The following ANKIB1 variants were observed in gnomAD, a reference collection of about 807,000 sequenced individuals.
The protein encoded by ANKIB1 is ankyrin repeat and IBR domain containing 1.
In ANKIB1, 43 loss-of-function variants were observed where a neutral mutation model predicts 122.1. The ratio of observed to expected loss-of-function variants is 0.35; its 90% CI spans 0.28 to 0.45. The LOEUF is 0.45. Ranked by LOEUF, ANKIB1 falls within the 20% of genes least tolerant of loss-of-function variation. ANKIB1 has a pLI of 1.00. For synonymous variants in ANKIB1, 390 were observed against 442.0 expected, an observed-to-expected ratio of 0.88 and a Z score of 1.48; for missense variants, 992 against 1,329.5, an observed-to-expected ratio of 0.75 and a Z score of 3.95.
intron 5 of ANKIB1, among the ~76,000 whole-genome samples, chr7:92,331,875 T>C: frequency 6.6e-6 from 1 of 152,054 alleles, no homozygotes; most frequent in Non-Finnish European, 1.5e-5. Context: ...AGCCAAATCA[T>C]ATAGTGTTCA....
At chr7:92,352,696 T>A (rs942681289) in intron 9 of ANKIB1, 54 bp downstream of exon 9, 2 of 1,535,260 alleles carry the variant, frequency 1.3e-6, no homozygotes, top group African/African-American at 2.8e-5. Flanking sequence ...CCAATAGTTA[T>A]TAAAGACTTT....
At chr7:92,388,458 G>A (rs750605443) in intron 14 of ANKIB1, among the ~76,000 whole-genome samples, 3 of 152,214 alleles carry the variant, frequency 2.0e-5, no homozygotes, top group Non-Finnish European at 4.4e-5. Context: ...GCCTAAGGGC[G>A]TGGAAGTCAA....
chr7:92,292,114 G>A (rs1042832374), intron 1 of ANKIB1, among the ~76,000 whole-genome samples: 1 of 152,134 alleles, frequency 6.6e-6, no homozygotes, highest in African/African-American at 2.4e-5. Flanking sequence ...GTCACCTCAG[G>A]CAATAATAGC....
At chr7:92,249,928 G>T (rs1006784917) in intron 1 of ANKIB1, among the ~76,000 whole-genome samples, 1 of 152,034 alleles carries the variant, frequency 6.6e-6, no homozygotes, top group African/African-American at 2.4e-5. Context: ...ACAGAATCTT[G>T]TGTATAGTAT....
chr7:92,252,588 CTT>C (rs1158104633), intron 1 of ANKIB1, among the ~76,000 whole-genome samples: 1 of 151,626 alleles, frequency 6.6e-6, no homozygotes, highest in Non-Finnish European at 1.5e-5. Flanking sequence ...GGTTTCACCT[CTT>C]TCTCTCTTAT....
At chr7:92,346,785 T>G (rs1423430424) in intron 7 of ANKIB1, among the ~76,000 whole-genome samples, 3 of 152,218 alleles carry the variant, frequency 2.0e-5, no homozygotes, top group Non-Finnish European at 4.4e-5. Context: ...TTTCTTGAAT[T>G]TTTTTGAGCT....
rs199861630 is a variant in ANKIB1 at position 92,398,494 on chromosome 7, T to G, written c.2815T>G (p.Ser939Ala). The change falls in exon 20 of 20, where the codon TCA (serine) becomes GCA (alanine). Residue 939 changes from serine (S) to alanine (A), a missense_variant. Around this residue, in one of 4 missense-constraint regions of ANKIB1, gnomAD observed 384 missense variants for 412.0 expected, o/e 0.93. Coordinates refer to ENST00000265742, the MANE Select transcript of ANKIB1 (RefSeq NM_019004.2). The part of the protein sequence containing the change: ...NDPFSTDTLS[S>A]HPLSEARSDF... ...CCCATTTTCAACTGACACCCTGAGCTCACACCCTCTCAGTGAGGCAAGAAG... is the reference window on the plus strand; with the variant it reads ...CCCATTTTCAACTGACACCCTGAGCGCACACCCTCTCAGTGAGGCAAGAAG... The G allele has an allele frequency of 4.4e-4, 709 of 1,613,938 alleles. 2 individuals are homozygous for G. Among genetic ancestry groups the G allele is most frequent in the Middle Eastern group, 2.6e-3 (16 of 6,060 alleles).
At chr7:92,369,183 A>C (rs770658185) in intron 10 of ANKIB1, among the ~76,000 whole-genome samples, 1 of 152,198 alleles carries the variant, frequency 6.6e-6, no homozygotes, top group African/African-American at 2.4e-5. Flanking sequence ...TAAGTATACT[A>C]AGTTCCTTCT....
chr7:92,246,424 G>A lies in ANKIB1; in HGVS notation c.-186G>A, dbSNP rs777454786. ...GGTGGGTGGGGCGGGCTGGGTACCT[G>A]AGGTCACCAGCTCGGCTGTAGAGGC... On this transcript the variant is annotated 5_prime_UTR_variant, in exon 1 of 20. Transcript: ENST00000265742. The A allele has an allele frequency of 1.9e-6, 1 of 515,898 alleles. No homozygotes were observed. The highest frequency in any genetic ancestry group is 3.9e-6 in the Non-Finnish European group (1 of 259,134). 32.0% of individuals were successfully genotyped at this position (515,898 alleles called of 1,614,324 possible).
At chr7:92,337,676 G>A (rs1473022210) in intron 5 of ANKIB1, among the ~76,000 whole-genome samples, 1 of 152,158 alleles carries the variant, frequency 6.6e-6, no homozygotes, top group Non-Finnish European at 1.5e-5. Flanking sequence ...TTGTCAAACA[G>A]ACTGAATGCT....
chr7:92,342,386 C>T (rs945599479), intron 5 of ANKIB1, among the ~76,000 whole-genome samples: 1 of 152,058 alleles, frequency 6.6e-6, no homozygotes, highest in Non-Finnish European at 1.5e-5. Context: ...TTTTATGGCT[C>T]TAGACATTAT....
At chr7:92,260,096 C>T (rs2131880580) in intron 1 of ANKIB1, among the ~76,000 whole-genome samples, 1 of 152,282 alleles carries the variant, frequency 6.6e-6, no homozygotes, top group African/African-American at 2.4e-5. Flanking sequence ...CATTTCACTT[C>T]TCTGCTAAAA....
At chr7:92,357,228 G>A (rs1219005728) in intron 9 of ANKIB1, among the ~76,000 whole-genome samples, 1 of 152,022 alleles carries the variant, frequency 6.6e-6, no homozygotes, top group African/African-American at 2.4e-5. Flanking sequence ...TTTAGATTAG[G>A]CAACTATTTT....
At chr7:92,251,088 T>C (rs1801320516) in intron 1 of ANKIB1, among the ~76,000 whole-genome samples, 1 of 152,214 alleles carries the variant, frequency 6.6e-6, no homozygotes, top group African/African-American at 2.4e-5. Flanking sequence ...TTCATTTCAG[T>C]GTAGCAAAAT....
chr7:92,352,717 T>A, intron 9 of ANKIB1, 75 bp downstream of exon 9: 2 of 1,439,970 alleles, frequency 1.4e-6, no homozygotes, highest in Non-Finnish European at 9.4e-7. Context: ...GCACCTTGAG[T>A]CAGGCCTTTA....
intron 1 of ANKIB1, among the ~76,000 whole-genome samples, chr7:92,256,934 A>T (rs987009689): frequency 3.9e-5 from 6 of 152,234 alleles, no homozygotes; most frequent in Non-Finnish European, 7.3e-5. Flanking sequence ...TCACGCCTGT[A>T]ATCCTGGCAC....
chr7:92,386,858 A>G (rs1334845457), intron 12 of ANKIB1, among the ~76,000 whole-genome samples: 1 of 151,860 alleles, frequency 6.6e-6, no homozygotes, highest in African/African-American at 2.4e-5. Flanking sequence ...CTGTATGAAA[A>G]GTCTGATATA....
intron 5 of ANKIB1, among the ~76,000 whole-genome samples, chr7:92,340,839 G>A (rs1803422108): frequency 6.6e-6 from 1 of 152,212 alleles, no homozygotes; most frequent in African/African-American, 2.4e-5. Context: ...TCATAGAAGA[G>A]CACGTCCAAA....
chr7:92,372,145 G>A (rs896481402), intron 11 of ANKIB1, among the ~76,000 whole-genome samples: 1 of 152,024 alleles, frequency 6.6e-6, no homozygotes, highest in African/African-American at 2.4e-5. Flanking sequence ...TTGGCTCTCT[G>A]TATCCATGGG....
Sources: gnomAD v4.1 joint callset for allele counts (sites outside exome capture counted in the v4.1 genomes callset) on GRCh38, gnomAD v4.1.1 for gene constraint, gnomAD v4.1.1 regional missense constraint, MANE v1.5 for transcripts, NCBI Gene and HGNC (gene_info 2026-07-23, HGNC 2026-07-21) for gene names.